The following SLC22A23 variants were observed in gnomAD, a reference collection of about 807,000 sequenced individuals.
SLC22A23 encodes the protein ion transporter protein.
In SLC22A23, 26 loss-of-function variants were observed where a neutral mutation model predicts 61.0. The ratio of observed to expected loss-of-function variants is 0.43; its 90% CI spans 0.31 to 0.59. The LOEUF (loss-of-function observed/expected upper bound fraction) is 0.59. Ranked by LOEUF, SLC22A23 falls within the 20% of genes least tolerant of loss-of-function variation. The pLI is 0.11. For missense variants in SLC22A23, 796 were observed against 934.7 expected (o/e 0.85, Z 1.94); for synonymous variants, 430 against 413.9 (o/e 1.04, Z -0.47).
Position 3,456,513 on chromosome 6 carries a change from C to T in SLC22A23, c.47G>A (p.Arg16Gln), listed in dbSNP as rs1772418584. 2.0e-6 allele frequency: 2 copies of T among 997,460 alleles called. No homozygotes were observed. Among genetic ancestry groups the T allele is most frequent in the East Asian group, 2.1e-4 (2 of 9,370 alleles). 61.8% of individuals were successfully genotyped at this position (997,460 alleles called of 1,614,324 possible). A position where few individuals can be genotyped will look rare whatever the true frequency, so the allele number is the denominator to read the frequency against. The change falls in exon 1 of 10, where the codon CGG becomes CAG. Residue 16 changes from arginine (R) to glutamine (Q), a missense_variant. Physicochemically the swap from Arg to Gln is conservative, Grantham distance 43. Transcript: ENST00000406686. This position sits in a 1 kb window ranked among gnomAD's most constrained non-coding sequence, Gnocchi z 7.1. Reference protein sequence around the residue: ...RREAAGGGPGRQPAPAEENGS... With the variant: ...RREAAGGGPGQQPAPAEENGS... The stretch of plus-strand genomic sequence containing the variant: ...GTTCTCCTCGGCCGGGGCCGGCTGC[C>T]GCCCAGGCCCGCCGCCCGCCGCCTC...
chr6:3,320,882 T>A (rs1035998809), intron 4 of SLC22A23, among the ~76,000 whole-genome samples: 4 of 152,228 alleles, frequency 2.6e-5, no homozygotes, highest in African/African-American at 9.6e-5. Context: ...AGCAGACATG[T>A]ACTAAGCACC....
In SLC22A23 at chr6:3,432,465, G is replaced by C. The variant is rs1248430757; in HGVS notation, c.655-16610C>G. ...CTTCAGCTCACTGTAAAACCAGGCA[G>C]AGGGAGGACTTCCAGGAACGCGTCT... On this transcript the variant is annotated intron_variant, in intron 1 of 9. Coordinates refer to ENST00000406686, the MANE Select transcript of SLC22A23 (RefSeq NM_015482.2). The C allele has an allele frequency of 3.3e-6, 3 of 896,068 alleles. No homozygotes were observed. In the African/African-American group the frequency reaches 5.4e-5, roughly 16 times the overall value. The allele number at this position is 896,068 out of a possible 1,614,324, so 55.5% of individuals were successfully genotyped here. A position where few individuals can be genotyped will look rare whatever the true frequency, so the allele number is the denominator to read the frequency against.
intron 3 of SLC22A23, among the ~76,000 whole-genome samples, chr6:3,395,492 A>G (rs1767948464): frequency 6.6e-6 from 1 of 152,262 alleles, no homozygotes; most frequent in Non-Finnish European, 1.5e-5. Flanking sequence ...TCTCAATGAC[A>G]GCCATAAATG....
intron 1 of SLC22A23, among the ~76,000 whole-genome samples, chr6:3,416,807 G>A (rs979857342): frequency 8.5e-5 from 13 of 152,228 alleles, no homozygotes; most frequent in Non-Finnish European, 1.3e-4. Flanking sequence ...AGTGGAGACG[G>A]GGGTGGGGTG....
At chr6:3,408,889 G>A (rs138007473) in intron 3 of SLC22A23, among the ~76,000 whole-genome samples, 141 of 152,328 alleles carry the variant, frequency 9.3e-4, no homozygotes, top group African/African-American at 3.2e-3. Context: ...CAAGGGTCCC[G>A]GCGCACTTGC....
chr6:3,397,647 T>C (rs1175547487), intron 3 of SLC22A23, among the ~76,000 whole-genome samples: 1 of 152,252 alleles, frequency 6.6e-6, no homozygotes, highest in East Asian at 1.9e-4. Flanking sequence ...ATAAATAGCT[T>C]ATTATCATCC....
At chr6:3,290,226 C>T (rs923499896) in intron 5 of SLC22A23, 24 of 341,050 alleles carry the variant, frequency 7.0e-5, no homozygotes, top group African/African-American at 4.3e-4. Context: ...TTCTAGGTTA[C>T]TGAGGCACTC....
intron 2 of SLC22A23, among the ~76,000 whole-genome samples, chr6:3,413,395 G>A (rs928961924): frequency 1.3e-5 from 2 of 152,180 alleles, no homozygotes; most frequent in Non-Finnish European, 2.9e-5. Context: ...GGCCACACTC[G>A]GCCAGGAGCT....
At chr6:3,439,241 C>G (rs1311245183) in intron 1 of SLC22A23, 1 of 407,442 alleles carries the variant, frequency 2.5e-6, no homozygotes, top group Non-Finnish European at 4.8e-6. Context: ...GGTGTGACAA[C>G]AACGACAAAA....
In SLC22A23 at chr6:3,415,817, G is replaced by A. The variant is rs1769656617; in HGVS notation, c.693C>T (p.Ile231=). ...LVCDNAWKVH[I]AKFSLLVGLI... Reference sequence around the variant, plus strand: ...ATCCAACCAGTAAGGAGAACTTAGCGATATGGACCTTCCAGGCATTATCAC... The same window carrying A: ...ATCCAACCAGTAAGGAGAACTTAGCAATATGGACCTTCCAGGCATTATCAC... The change falls in exon 2 of 10, where the codon ATC becomes ATT. Residue 231 remains isoleucine, a synonymous_variant. Coordinates refer to ENST00000406686, the MANE Select transcript of SLC22A23 (RefSeq NM_015482.2). 13 of 1,552,114 alleles carry A rather than the reference G, an allele frequency of 8.4e-6. No individual in the cohort carries two copies. The highest frequency in any genetic ancestry group is 4.9e-5 in the East Asian group (2 of 41,062).
intron 3 of SLC22A23, among the ~76,000 whole-genome samples, chr6:3,370,412 C>G (rs1223256012): frequency 2.0e-5 from 3 of 152,262 alleles, no homozygotes; most frequent in South Asian, 2.1e-4. Context: ...TCACTTTGTA[C>G]GAAGCTTTCT....
chr6:3,270,024 G>C lies in SLC22A23; in HGVS notation c.*3031C>G, dbSNP rs149834087. 6.5e-6 allele frequency: 1 copy of C among 152,714 alleles called. No individual in the cohort carries two copies. Among genetic ancestry groups the C allele is most frequent in the Non-Finnish European group, 1.5e-5 (1 of 68,044 alleles). 9.5% of individuals were successfully genotyped at this position (152,714 alleles called of 1,614,324 possible). A position where few individuals can be genotyped will look rare whatever the true frequency, so the allele number is the denominator to read the frequency against. On this transcript the variant is annotated 3_prime_UTR_variant, in exon 10 of 10. Coordinates refer to ENST00000406686, the MANE Select transcript of SLC22A23 (RefSeq NM_015482.2). ...GTAACCTTTTTCCTGTTTCTCTTGG[G>C]TGGTAATAATTTTAGGGCATTTGAT...
At chr6:3,283,615 C>T (rs987145664) in intron 9 of SLC22A23, 2 of 509,406 alleles carry the variant, frequency 3.9e-6, no homozygotes, top group South Asian at 1.9e-5. Flanking sequence ...CAGAGTAGCT[C>T]CCTGTTCCCC....
chr6:3,422,768 T>C (rs1770230160), intron 1 of SLC22A23, among the ~76,000 whole-genome samples: 1 of 152,200 alleles, frequency 6.6e-6, no homozygotes. Context: ...CTGCTCAAAT[T>C]GCTCCTCATC....
chr6:3,447,373 A>G (rs1771945776), intron 1 of SLC22A23, among the ~76,000 whole-genome samples: 1 of 152,092 alleles, frequency 6.6e-6, no homozygotes, highest in Admixed American at 6.5e-5. Flanking sequence ...TAGTCTCTCA[A>G]TTCCCTTTCT....
chr6:3,423,424 T>C (rs1770279962), intron 1 of SLC22A23, among the ~76,000 whole-genome samples: 2 of 152,224 alleles, frequency 1.3e-5, no homozygotes, highest in African/African-American at 2.4e-5. Flanking sequence ...GCTGAATAGA[T>C]ACCCACAAAG....
chr6:3,283,588 G>T, intron 9 of SLC22A23: 1 of 439,998 alleles, frequency 2.3e-6, no homozygotes, highest in Non-Finnish European at 4.3e-6. Context: ...CTCAGACACT[G>T]ACATATTTCC....
intron 1 of SLC22A23, among the ~76,000 whole-genome samples, chr6:3,426,029 C>T (rs949961962): frequency 2.0e-5 from 3 of 152,142 alleles, no homozygotes; most frequent in Non-Finnish European, 2.9e-5. Flanking sequence ...GGACAGGCTT[C>T]GGTGTTATTT....
At chr6:3,424,670 G>A (rs1466892350) in intron 1 of SLC22A23, among the ~76,000 whole-genome samples, 1 of 152,168 alleles carries the variant, frequency 6.6e-6, no homozygotes, top group African/African-American at 2.4e-5. Flanking sequence ...ACTAGCTCAG[G>A]GGGTGGCAAT....
Sources: gnomAD v4.1 joint callset for allele counts (sites outside exome capture counted in the v4.1 genomes callset) on GRCh38, gnomAD v4.1.1 for gene constraint, Gnocchi (gnomAD v3.1) non-coding constraint, MANE v1.5 for transcripts, NCBI Gene and HGNC (gene_info 2026-07-23, HGNC 2026-07-21) for gene names.